Variants in EPHB3 observed in about 807,000 individuals in gnomAD.
EPHB3 encodes EPH receptor B3.
Under a neutral mutation model 100.2 loss-of-function variants are expected in EPHB3, and 33 were observed. The observed-to-expected ratio is 0.33, with a 90% CI of 0.25 to 0.44. EPHB3 has a LOEUF of 0.44. EPHB3 is among the 20% of genes least tolerant of loss of function. The probability of loss-of-function intolerance (pLI) is 1.00; values close to 1 mark genes in which losing one functional copy is unlikely to be tolerated. For missense variants in EPHB3, 1,045 were observed against 1,378.3 expected, an observed-to-expected ratio of 0.76 and a Z score of 3.83; for synonymous variants, 526 against 554.7, an observed-to-expected ratio of 0.95 and a Z score of 0.73.
At chr3:184,568,351 C>T (rs1385259584) in intron 1 of EPHB3, among the ~76,000 whole-genome samples, 3 of 152,210 alleles carry the variant, frequency 2.0e-5, no homozygotes, top group Non-Finnish European at 4.4e-5. Flanking sequence ...TCCCCTCTGC[C>T]TCCTGCAGAT....
rs967464588 is a variant in EPHB3 at position 184,575,082 on chromosome 3, GA to G, written c.857-746del. 3 of 942,504 alleles carry G rather than the reference GA, an allele frequency of 3.2e-6. No individual in the cohort carries two copies. In the African/African-American group the frequency reaches 5.3e-5, roughly 17 times the overall value. The allele number at this position is 942,504 out of a possible 1,614,324, so 58.4% of individuals were successfully genotyped here. On this transcript the variant is annotated intron_variant, in intron 3 of 15. Transcript: ENST00000330394. Reference sequence around the variant, plus strand: ...CTTTGACTTGCAAATGTTCCAGTGTGAAGAATACACGATAAGGCTACCATCA... The same window carrying G: ...CTTTGACTTGCAAATGTTCCAGTGTGAGAATACACGATAAGGCTACCATCA...
rs1306898070 is a variant in EPHB3, at chr3:184,562,286, G to GCCGCTGCTCCCT, written c.60_71dup (p.Pro21_Leu24dup). 3.2e-6 allele frequency: 4 copies of GCCGCTGCTCCCT among 1,231,272 alleles called. No homozygotes were observed. In the Admixed American group the frequency reaches 1.2e-4, roughly 36 times the overall value. The allele number at this position is 1,231,272 out of a possible 1,614,324, so 76.3% of individuals were successfully genotyped here. ...CGCCGTCGCCGCCGCCGGGGCTTCTGCCGCTGCTCCCTCCGCTGCTGCTGC... is the reference window on the plus strand; with the variant it reads ...CGCCGTCGCCGCCGCCGGGGCTTCTGCCGCTGCTCCCTCCGCTGCTCCCTCCGCTGCTGCTGC... On this transcript the variant is annotated inframe_insertion, in exon 1 of 16. Coordinates refer to ENST00000330394, the MANE Select transcript of EPHB3 (RefSeq NM_004443.4). The surrounding 1 kb of genome is among the most constrained non-coding windows in gnomAD (Gnocchi z 4.8).
rs373196824 is a variant in EPHB3, at chr3:184,572,968, C to G, written c.648C>G (p.Thr216=). 1 of 1,596,848 alleles carries G rather than the reference C, an allele frequency of 6.3e-7. No individual in the cohort carries two copies. The highest frequency in any genetic ancestry group is 1.1e-5 in the South Asian group (1 of 88,204). Residue 216 remains threonine (T), a synonymous_variant, in exon 3 of 16, where the codon ACC becomes ACG. Transcript: ENST00000330394. The surrounding 1 kb of genome is among the most constrained non-coding windows in gnomAD (Gnocchi z 6.6). The part of the protein sequence containing the change: ...RAFYKKCAST[T]AGFALFPETL... ...TCTACAAGAAGTGTGCATCCACCAC[C>G]GCAGGCTTCGCACTCTTCCCCGAGA...
At position 184,562,816 on chromosome 3, in the gene EPHB3, G is replaced by A. The variant is rs1438937705; in HGVS notation, c.118+463G>A. 6.6e-6 allele frequency among the ~76,000 whole-genome samples: 1 copy of A among 152,230 alleles called. No homozygotes were observed. Among genetic ancestry groups the A allele is most frequent in the Non-Finnish European group, 1.5e-5 (1 of 68,044 alleles). ...GTTGGAGTTAACTGTGAGAGTGTGAGTGCGAGCACCCCGATTTGTCAGGGG... is the reference window on the plus strand; with the variant it reads ...GTTGGAGTTAACTGTGAGAGTGTGAATGCGAGCACCCCGATTTGTCAGGGG... On this transcript the variant is annotated intron_variant, in intron 1 of 15. Transcript: ENST00000330394. This position sits in a 1 kb window ranked among gnomAD's most constrained non-coding sequence, Gnocchi z 4.8.
Position 184,579,958 on chromosome 3 carries a change from C to A in EPHB3, c.2172+24C>A, listed in dbSNP as rs1017062177. 3.7e-6 allele frequency: 6 copies of A among 1,604,402 alleles called. No homozygotes were observed. The highest frequency in any genetic ancestry group is 1.3e-5 in the African/African-American group (1 of 74,830). ...GGGTAAGAGCCAGCCCCCAGGCCCT[C>A]TCCCTCCCCCAGAGAGTTGGATTGG... is the stretch of plus-strand genomic sequence containing the variant. On this transcript the variant is annotated intron_variant, in intron 11 of 15. Transcript: ENST00000330394. The surrounding 1 kb of genome is among the most constrained non-coding windows in gnomAD (Gnocchi z 5.2).
rs756886601 is a variant in EPHB3, at chr3:184,572,806, C to T, written c.486C>T (p.Pro162=). ...NPYVKVDTIA[P]DESFSRLDAG... is the part of the protein sequence containing the mutation. ...ACGTGAAAGTGGACACCATTGCACC[C>T]GATGAGAGCTTCTCGCGGCTGGATG... The change falls in exon 3 of 16, where the codon CCC becomes CCT. Residue 162 remains proline, a synonymous_variant. Transcript: ENST00000330394. This position sits in a 1 kb window ranked among gnomAD's most constrained non-coding sequence, Gnocchi z 6.6. The T allele has an allele frequency of 1.8e-5, 29 of 1,585,506 alleles. No individual in the cohort carries two copies. The highest frequency in any genetic ancestry group is 5.8e-5 in the South Asian group (5 of 86,820).
In EPHB3 at chr3:184,573,319, G is replaced by A. The variant is rs1714589799; in HGVS notation, c.856+143G>A. ...AGTGGAGGCAGGAGAGGGAAGAGTG[G>A]GGATCAGATGCAGAGAATGTTGTGT... On this transcript the variant is annotated intron_variant, in intron 3 of 15. Transcript: ENST00000330394. This position sits in a 1 kb window ranked among gnomAD's most constrained non-coding sequence, Gnocchi z 4.5. 1.0e-6 allele frequency: 1 copy of A among 993,854 alleles called. No individual in the cohort carries two copies. Among genetic ancestry groups the A allele is most frequent in the Non-Finnish European group, 1.5e-6 (1 of 679,808 alleles). The allele number at this position is 993,854 out of a possible 1,614,324, so 61.6% of individuals were successfully genotyped here.
chr3:184,579,419 A>G lies in EPHB3; in HGVS notation c.1802-58A>G, dbSNP rs1403064655. On this transcript the variant is annotated intron_variant, in intron 9 of 15. Coordinates refer to ENST00000330394, the MANE Select transcript of EPHB3 (RefSeq NM_004443.4). This position sits in a 1 kb window ranked among gnomAD's most constrained non-coding sequence, Gnocchi z 5.2. Reference sequence around the variant, plus strand: ...CAGGGAGCCTGCTGGAGCTGTGCCCATCGCAGGGAGAGGCTGGCTTGACGT... The same window carrying G: ...CAGGGAGCCTGCTGGAGCTGTGCCCGTCGCAGGGAGAGGCTGGCTTGACGT... 6.3e-7 allele frequency: 1 copy of G among 1,594,246 alleles called. No individual in the cohort carries two copies. Among genetic ancestry groups the G allele is most frequent in the Non-Finnish European group, 8.6e-7 (1 of 1,166,194 alleles).
In EPHB3 at chr3:184,579,374, G is replaced by T. The variant is rs1714762585; in HGVS notation, c.1802-103G>T. 6.5e-7 allele frequency: 1 copy of T among 1,531,280 alleles called. No individual in the cohort carries two copies. Among genetic ancestry groups the T allele is most frequent in the Non-Finnish European group, 8.8e-7 (1 of 1,130,404 alleles). The allele number at this position is 1,531,280 out of a possible 1,614,324, so 94.9% of individuals were successfully genotyped here. A position where few individuals can be genotyped will look rare whatever the true frequency, so the allele number is the denominator to read the frequency against. On this transcript the variant is annotated intron_variant, in intron 9 of 15. Coordinates refer to ENST00000330394, the MANE Select transcript of EPHB3 (RefSeq NM_004443.4). This position sits in a 1 kb window ranked among gnomAD's most constrained non-coding sequence, Gnocchi z 5.2. ...GGAGGATTAGGGCAGCAACACAGAG[G>T]AATATGGGGCTGGGCTCAGCAGGGA...
chr3:184,567,238 CCTGA>C, intron 1 of EPHB3, among the ~76,000 whole-genome samples: 1 of 152,348 alleles, frequency 6.6e-6, no homozygotes, highest in Middle Eastern at 3.4e-3. Context: ...AGCCTCGTGA[CCTGA>C]CTGACAGCTC....
chr3:184,573,157 C>T lies in EPHB3; in HGVS notation c.837C>T (p.Ala279=). 6.2e-7 allele frequency: 1 copy of T among 1,612,366 alleles called. No individual in the cohort carries two copies. The highest frequency in any genetic ancestry group is 8.5e-7 in the Non-Finnish European group (1 of 1,180,024). Residue 279 remains alanine (A), a synonymous_variant, in exon 3 of 16, where the codon GCC becomes GCT. Coordinates refer to ENST00000330394, the MANE Select transcript of EPHB3 (RefSeq NM_004443.4). The surrounding 1 kb of genome is among the most constrained non-coding windows in gnomAD (Gnocchi z 4.5). ...CTCATGHEPA[A]KESQCRPCPP... is the part of the protein sequence containing the mutation. ...GTGCCACCGGCCATGAGCCAGCTGC[C>T]AAGGAGTCCCAGTGCCGCCGTGAGT... is the stretch of plus-strand genomic sequence containing the variant.
chr3:184,562,087 A>G lies in EPHB3; in HGVS notation c.-149A>G, dbSNP rs1714264888. 1 of 168,734 alleles carries G rather than the reference A, an allele frequency of 5.9e-6. No homozygotes were observed. The highest frequency in any genetic ancestry group is 6.3e-5 in the Admixed American group (1 of 15,878). The allele number at this position is 168,734 out of a possible 1,614,324, so 10.5% of individuals were successfully genotyped here. A position where few individuals can be genotyped will look rare whatever the true frequency, so the allele number is the denominator to read the frequency against. On this transcript the variant is annotated 5_prime_UTR_variant, in exon 1 of 16. Coordinates refer to ENST00000330394, the MANE Select transcript of EPHB3 (RefSeq NM_004443.4). The surrounding 1 kb of genome is among the most constrained non-coding windows in gnomAD (Gnocchi z 4.8). Reference sequence around the variant, plus strand: ...CTCGGTCCCGGAGCCGCCCGCCTGGATTGCATTCCCTCCTCTCCTGGATCT... The same window carrying G: ...CTCGGTCCCGGAGCCGCCCGCCTGGGTTGCATTCCCTCCTCTCCTGGATCT...
rs1345524531 is a variant in EPHB3, at chr3:184,563,161, T to C, written c.118+808T>C. 6.6e-6 allele frequency among the ~76,000 whole-genome samples: 1 copy of C among 152,164 alleles called. No homozygotes were observed. The highest frequency in any genetic ancestry group is 2.4e-5 in the African/African-American group (1 of 41,426). On this transcript the variant is annotated intron_variant, in intron 1 of 15. Transcript: ENST00000330394. The surrounding 1 kb of genome is among the most constrained non-coding windows in gnomAD (Gnocchi z 4.1). The stretch of plus-strand genomic sequence containing the variant: ...TTGTACTTGGATGAACAGCCCGGCG[T>C]TGTTGGCGCTGGCAGGAGAGCTCAC...
rs1329888365 is a variant in EPHB3 at position 184,576,888 on chromosome 3, C to T, written c.1059C>T (p.Thr353=). ...GTGTGATCTCCAATGTGAATGAAAC[C>T]TCACTGATCCTCGAGTGGAGTGAGC... ...PRGVISNVNE[T]SLILEWSEPR... Residue 353 remains threonine, a synonymous_variant, in exon 5 of 16, where the codon ACC becomes ACT. Transcript: ENST00000330394. 1.9e-6 allele frequency: 3 copies of T among 1,569,678 alleles called. No homozygotes were observed. The Admixed American group carries it at 5.3e-5, about 28-fold the overall frequency.
rs1714297359 is a variant in EPHB3 at position 184,563,025 on chromosome 3, A to G, written c.118+672A>G. On this transcript the variant is annotated intron_variant, in intron 1 of 15. Coordinates refer to ENST00000330394, the MANE Select transcript of EPHB3 (RefSeq NM_004443.4). The surrounding 1 kb of genome is among the most constrained non-coding windows in gnomAD (Gnocchi z 4.1). ...AGTTGCGGGATTTGCCCCAGGTAGC[A>G]GCAGAGCCCGGCGCCTTCCTCAGTA... 6.6e-6 allele frequency among the ~76,000 whole-genome samples: 1 copy of G among 152,330 alleles called. No homozygotes were observed. The highest frequency in any genetic ancestry group is 2.4e-5 in the African/African-American group (1 of 41,570).
rs927338935 is a variant in EPHB3 at position 184,562,376 on chromosome 3, C to T, written c.118+23C>T. On this transcript the variant is annotated intron_variant, in intron 1 of 15. Coordinates refer to ENST00000330394, the MANE Select transcript of EPHB3 (RefSeq NM_004443.4). The surrounding 1 kb of genome is among the most constrained non-coding windows in gnomAD (Gnocchi z 4.8). ...AAGGTGAGCGGCGTCGGGGGGCGCG[C>T]CCGGGAACAAGGTGCCTGGGGTCGC... The T allele has an allele frequency of 4.1e-6, 5 of 1,215,640 alleles. No individual in the cohort carries two copies. The African/African-American group carries it at 6.3e-5, about 15-fold the overall frequency. The allele number at this position is 1,215,640 out of a possible 1,614,324, so 75.3% of individuals were successfully genotyped here.
In EPHB3 at chr3:184,577,314, G is replaced by C. The variant is rs761169826; in HGVS notation, c.1355-29G>C. The C allele has an allele frequency of 6.2e-7, 1 of 1,608,392 alleles. No homozygotes were observed. Among genetic ancestry groups the C allele is most frequent in the Non-Finnish European group, 8.5e-7 (1 of 1,177,300 alleles). ...TGGGAAGGATGCCAGGGTCCAGGGA[G>C]CCCCTGGTGAGCCCTCTGCTCTTCC... On this transcript the variant is annotated intron_variant, in intron 5 of 15. Coordinates refer to ENST00000330394, the MANE Select transcript of EPHB3 (RefSeq NM_004443.4). This position sits in a 1 kb window ranked among gnomAD's most constrained non-coding sequence, Gnocchi z 4.9.
intron 1 of EPHB3, among the ~76,000 whole-genome samples, chr3:184,564,502 T>C (rs1275705530): frequency 6.6e-6 from 1 of 152,218 alleles, no homozygotes; most frequent in Admixed American, 6.5e-5. Context: ...ATTCTTAATG[T>C]GTGCAAAGTG....
In EPHB3 at chr3:184,577,015, G is replaced by A. The variant is rs144807386; in HGVS notation, c.1186G>A (p.Val396Met). The A allele has an allele frequency of 2.5e-6, 4 of 1,613,946 alleles. No homozygotes were observed. Among genetic ancestry groups the A allele is most frequent in the African/African-American group, 2.7e-5 (2 of 74,946 alleles). The part of the protein sequence containing the change: ...ASACSRCDDN[V>M]EFVPRQLGLT... ...AGCCTGCTCACGCTGTGATGACAAC[G>A]TGGAGTTTGTGCCTCGGCAGCTGGG... Residue 396 changes from valine to methionine, a missense_variant, in exon 5 of 16, where the codon GTG becomes ATG. Physicochemically the swap from Val to Met is conservative, Grantham distance 21. Coordinates refer to ENST00000330394, the MANE Select transcript of EPHB3 (RefSeq NM_004443.4). The surrounding 1 kb of genome is among the most constrained non-coding windows in gnomAD (Gnocchi z 4.9).
Sources: allele counts gnomAD v4.1 joint callset (sites outside exome capture counted in the v4.1 genomes callset), GRCh38; gene constraint gnomAD v4.1.1; non-coding constraint Gnocchi (gnomAD v3.1); transcripts MANE v1.5; gene names NCBI Gene and HGNC (gene_info 2026-07-23, HGNC 2026-07-21).